Variants in ACSS3 observed in about 807,000 individuals in gnomAD.
The protein encoded by ACSS3 is acyl-CoA synthetase short chain family member 3.
In ACSS3, 64 loss-of-function variants were observed where a neutral mutation model predicts 84.2. That is an observed-to-expected ratio of 0.76 (90% confidence interval 0.62 to 0.94). ACSS3 has a LOEUF of 0.94. ACSS3 is among the 40% of genes least tolerant of loss of function. The pLI is 0.00. For synonymous variants in ACSS3, 317 were observed against 310.1 expected (o/e 1.02, Z -0.23); for missense variants, 815 against 867.6 (o/e 0.94, Z 0.76).
At chr12:81,223,769 A>C (rs987835672) in intron 11 of ACSS3, among the ~76,000 whole-genome samples, 2 of 151,976 alleles carry the variant, frequency 1.3e-5, no homozygotes, top group Non-Finnish European at 2.9e-5. Flanking sequence ...TGAGAGTGCA[A>C]AGTTGGGATT....
At chr12:81,201,520 G>C (rs1446398803) in intron 9 of ACSS3, among the ~76,000 whole-genome samples, 1 of 152,142 alleles carries the variant, frequency 6.6e-6, no homozygotes, top group Admixed American at 6.6e-5. Context: ...TTACAAAAAA[G>C]GTCACTGAAG....
intron 8 of ACSS3, among the ~76,000 whole-genome samples, chr12:81,198,644 G>A (rs1050402192): frequency 6.6e-6 from 1 of 151,104 alleles, no homozygotes; most frequent in Non-Finnish European, 1.5e-5. Flanking sequence ...CACTAATGGG[G>A]TCAACACAAT....
intron 1 of ACSS3, among the ~76,000 whole-genome samples, chr12:81,097,686 AG>A (rs1447483139): frequency 6.6e-6 from 1 of 152,200 alleles, no homozygotes; most frequent in Non-Finnish European, 1.5e-5. Flanking sequence ...GTGTAATAAT[AG>A]TAATTGTCTG....
chr12:81,207,970 C>A (rs1422123377), intron 9 of ACSS3, among the ~76,000 whole-genome samples: 1 of 152,092 alleles, frequency 6.6e-6, no homozygotes, highest in Non-Finnish European at 1.5e-5. Flanking sequence ...AAAGAAGCAA[C>A]CTATAGGTTG....
chr12:81,147,535 G>T (rs950499245), intron 5 of ACSS3, among the ~76,000 whole-genome samples: 6 of 152,182 alleles, frequency 3.9e-5, no homozygotes, highest in African/African-American at 1.4e-4. Context: ...TGTGAAAGAG[G>T]ACCTGAAAGA....
intron 8 of ACSS3, among the ~76,000 whole-genome samples, chr12:81,197,855 T>A (rs896872334): frequency 6.6e-6 from 1 of 152,158 alleles, no homozygotes; most frequent in Non-Finnish European, 1.5e-5. Context: ...TGCCTTGCCT[T>A]CCTATAATTC....
At chr12:81,194,627 T>C (rs10506273) in intron 8 of ACSS3, among the ~76,000 whole-genome samples, 9,190 of 151,998 alleles carry the variant, frequency 0.06, 350 homozygotes, top group African/African-American at 0.096. Flanking sequence ...TTTCAATTTA[T>C]TAGTGCCAGC....
In ACSS3 at chr12:81,203,843, A is replaced by G. The variant is rs2032219731; in HGVS notation, c.1354+4399A>G. On this transcript the variant is annotated intron_variant, in intron 9 of 15. Transcript: ENST00000548058. The stretch of plus-strand genomic sequence containing the variant: ...TCTTCACAGTAACTCATCCATAAAA[A>G]GATTAAAAACATCTGGATTATTGAC... 2.0e-5 allele frequency among the ~76,000 whole-genome samples: 3 copies of G among 152,222 alleles called. No homozygotes were observed. In the South Asian group the frequency reaches 6.2e-4, roughly 32 times the overall value.
At chr12:81,247,182 CA>C (rs2034009416) in intron 13 of ACSS3, among the ~76,000 whole-genome samples, 1 of 152,052 alleles carries the variant, frequency 6.6e-6, no homozygotes, top group Admixed American at 6.6e-5. Context: ...GGTGTGTTGG[CA>C]AAAGATGGTT....
chr12:81,186,434 G>C (rs1195940404), intron 8 of ACSS3, among the ~76,000 whole-genome samples: 1 of 151,682 alleles, frequency 6.6e-6, no homozygotes, highest in Non-Finnish European at 1.5e-5. Flanking sequence ...CTATGAAGTG[G>C]GAAAGATATT....
intron 1 of ACSS3, among the ~76,000 whole-genome samples, chr12:81,103,669 C>A (rs571918687): frequency 1.3e-5 from 2 of 150,398 alleles, no homozygotes; most frequent in Non-Finnish European, 3.0e-5. Context: ...CTTTATATTG[C>A]CTCCTCCAAA....
chr12:81,223,353 G>A (rs562714095), intron 11 of ACSS3, among the ~76,000 whole-genome samples: 2 of 152,122 alleles, frequency 1.3e-5, no homozygotes, highest in South Asian at 4.1e-4. Context: ...GGTTAACGAT[G>A]CCTGTTCACA....
At chr12:81,087,952 C>T (rs1045707391) in intron 1 of ACSS3, among the ~76,000 whole-genome samples, 1 of 152,074 alleles carries the variant, frequency 6.6e-6, no homozygotes, top group Non-Finnish European at 1.5e-5. Context: ...AATTATAATA[C>T]GGAAGAATTA....
chr12:81,131,886 A>G (rs575920004), intron 2 of ACSS3, among the ~76,000 whole-genome samples: 47 of 152,186 alleles, frequency 3.1e-4, no homozygotes, highest in African/African-American at 1.1e-3. Context: ...TGAGATAATC[A>G]TGTGGTTTTT....
intron 9 of ACSS3, among the ~76,000 whole-genome samples, chr12:81,211,466 GGGATTATCTTTGGTTTATGT>G (rs1403296520): frequency 6.6e-6 from 1 of 152,106 alleles, no homozygotes; most frequent in African/African-American, 2.4e-5. Context: ...CATAACAAAA[GGGATTATCTTTGGTTTATGT>G]GGACCATCTA....
chr12:81,167,122 C>G (rs1489623322), intron 7 of ACSS3, among the ~76,000 whole-genome samples: 26 of 152,344 alleles, frequency 1.7e-4, no homozygotes, highest in Admixed American at 1.7e-3. Context: ...ATTTGCTTAG[C>G]ACTGCATCTG....
At chr12:81,086,158 G>A (rs980872650) in intron 1 of ACSS3, among the ~76,000 whole-genome samples, 1 of 152,112 alleles carries the variant, frequency 6.6e-6, no homozygotes, top group African/African-American at 2.4e-5. Flanking sequence ...TGGTTTGAAG[G>A]TGAGAGTGTT....
chr12:81,179,271 C>CAAAAA (rs71098127), intron 8 of ACSS3, among the ~76,000 whole-genome samples: 17 of 66,784 alleles, frequency 2.5e-4, no homozygotes, highest in Admixed American at 5.6e-4. Context: ...AAGTAATTGC[C>CAAAAA]AAAAAAAAAA....
intron 5 of ACSS3, among the ~76,000 whole-genome samples, chr12:81,147,590 G>A (rs1313180198): frequency 1.3e-5 from 2 of 152,120 alleles, no homozygotes; most frequent in Admixed American, 6.5e-5. Context: ...CCCAGAAGAG[G>A]TGGTATTTTT....
Sources: gnomAD v4.1 joint callset for allele counts (sites outside exome capture counted in the v4.1 genomes callset) on GRCh38, gnomAD v4.1.1 for gene constraint, MANE v1.5 for transcripts, NCBI Gene and HGNC (gene_info 2026-07-23, HGNC 2026-07-21) for gene names.